The following ZNF665 variants were observed in gnomAD, a reference collection of about 807,000 sequenced individuals.
ZNF665 encodes zinc finger protein 665.
In ZNF665, 6 loss-of-function variants were observed where a neutral mutation model predicts 7.9. The ratio of observed to expected loss-of-function variants is 0.76; its 90% CI spans 0.42 to 1.50. The LOEUF is 1.50. ZNF665 is among the 40% of genes most tolerant of loss of function. The pLI is 0.01. For missense variants in ZNF665, 819 were observed against 806.7 expected (o/e 1.02, Z -0.18); for synonymous variants, 242 against 274.5 (o/e 0.88, Z 1.17).
In ZNF665 at chr19:53,172,673, A is replaced by G. The variant is rs573682643; in HGVS notation, c.142+2772T>C. Reference sequence around the variant, plus strand: ...AACCCTGTCTCTACCAAAAACGCAAAAATTAGTCAGGCGTGGTGGTGCACG... The same window carrying G: ...AACCCTGTCTCTACCAAAAACGCAAGAATTAGTCAGGCGTGGTGGTGCACG... On this transcript the variant is annotated intron_variant, in intron 3 of 3. Transcript: ENST00000396424. Among the ~76,000 whole-genome samples, 4 of 152,054 alleles carry G rather than the reference A, an allele frequency of 2.6e-5. No homozygotes were observed. The East Asian group carries it at 7.7e-4, about 29-fold the overall frequency.
chr19:53,182,862 T>C (rs767098308), intron 2 of ZNF665, 22 bp downstream of exon 2: 11 of 1,611,750 alleles, frequency 6.8e-6, no homozygotes, highest in East Asian at 6.7e-5. Flanking sequence ...GACAGAACAA[T>C]CCACCGAGAA....
intron 3 of ZNF665, among the ~76,000 whole-genome samples, chr19:53,174,209 AG>A (rs769267692): frequency 6.6e-6 from 1 of 152,200 alleles, no homozygotes; most frequent in African/African-American, 2.4e-5. Flanking sequence ...AATCAAGCAC[AG>A]AAGGAGAGAC....
chr19:53,173,206 A>G (rs545098938), intron 3 of ZNF665, among the ~76,000 whole-genome samples: 3 of 152,168 alleles, frequency 2.0e-5, no homozygotes, highest in Admixed American at 2.0e-4. Context: ...TTTTGAATCA[A>G]TTTTGGTATC....
At chr19:53,170,799 T>C (rs2090651511) in intron 3 of ZNF665, among the ~76,000 whole-genome samples, 1 of 152,180 alleles carries the variant, frequency 6.6e-6, no homozygotes, top group Admixed American at 6.5e-5. Context: ...TTGGACAATG[T>C]AGGGGTTAAG....
chr19:53,189,428 A>G (rs1255264302), intron 1 of ZNF665, among the ~76,000 whole-genome samples: 1 of 148,518 alleles, frequency 6.7e-6, no homozygotes, highest in African/African-American at 2.5e-5. Context: ...AGTGTGAGTC[A>G]CCTCCAATGA....
intron 1 of ZNF665, among the ~76,000 whole-genome samples, chr19:53,184,249 CA>C (rs1450993247): frequency 1.3e-5 from 2 of 149,868 alleles, no homozygotes; most frequent in Admixed American, 6.6e-5. Flanking sequence ...GACCCTGTCT[CA>C]AAAAAAAAGA....
In ZNF665 at chr19:53,165,842, A is replaced by G; in HGVS notation, c.648T>C (p.Thr216=). Residue 216 remains threonine, a synonymous_variant, in exon 4 of 4, where the codon ACT becomes ACC. Transcript: ENST00000396424. ...YQCNKCGKAF[T]VRSNLTIHQV... ...GATGGATTGTTAGGTTTGAACGAAC[A>G]GTAAAGGCTTTGCCACACTTATTAC... The G allele has an allele frequency of 6.2e-7, 1 of 1,614,074 alleles. No homozygotes were observed. The highest frequency in any genetic ancestry group is 8.5e-7 in the Non-Finnish European group (1 of 1,179,978).
In ZNF665 at chr19:53,175,525, T is replaced by C. The variant is rs2090691062; in HGVS notation, c.62A>G (p.Glu21Gly). The change falls in exon 3 of 4, where the codon GAG (glutamate) becomes GGG (glycine). Residue 21 changes from glutamate to glycine, a missense_variant. Transcript: ENST00000396424. ...CTGAGCAGGGTCCAGGCATGTCCAC[T>C]CCTCCTGAGAGAATTCTATGGCCAC... is the stretch of plus-strand genomic sequence containing the variant. ...KDVAIEFSQEEWTCLDPAQKT... is the reference protein window; with the variant it reads ...KDVAIEFSQEGWTCLDPAQKT... 2 of 1,611,260 alleles carry C rather than the reference T, an allele frequency of 1.2e-6. No homozygotes were observed. The highest frequency in any genetic ancestry group is 1.7e-6 in the Non-Finnish European group (2 of 1,179,198).
rs2090573687 is a variant in ZNF665, at chr19:53,162,663, GC to G, written c.*1789del. 1 of 151,988 alleles carries G rather than the reference GC, an allele frequency of 6.6e-6. No homozygotes were observed. The highest frequency in any genetic ancestry group is 6.6e-5 in the Admixed American group (1 of 15,266). The allele number at this position is 151,988 out of a possible 1,614,324, so 9.4% of individuals were successfully genotyped here. A position where few individuals can be genotyped will look rare whatever the true frequency, so the allele number is the denominator to read the frequency against. On this transcript the variant is annotated 3_prime_UTR_variant, in exon 4 of 4. Coordinates refer to ENST00000396424, the MANE Select transcript of ZNF665 (RefSeq NM_024733.5). Reference sequence around the variant, plus strand: ...AGGTCAGGAGTTCGAGACCAGCCTGGCAAACATAGTGAAACTCCATCTCTAC... The same window carrying G: ...AGGTCAGGAGTTCGAGACCAGCCTGGAAACATAGTGAAACTCCATCTCTAC...
At position 53,163,691 on chromosome 19, in the gene ZNF665, C is replaced by G. The variant is rs2090580603; in HGVS notation, c.*762G>C. On this transcript the variant is annotated 3_prime_UTR_variant, in exon 4 of 4. Coordinates refer to ENST00000396424, the MANE Select transcript of ZNF665 (RefSeq NM_024733.5). ...ATACTTCAACAAAACATTTTATAAG[C>G]TGAAAGTAATTGGCCATTTCCAAAC... is the stretch of plus-strand genomic sequence containing the variant. 1 of 152,154 alleles carries G rather than the reference C, an allele frequency of 6.6e-6. No homozygotes were observed. The highest frequency in any genetic ancestry group is 1.5e-5 in the Non-Finnish European group (1 of 68,036). 9.4% of individuals were successfully genotyped at this position (152,154 alleles called of 1,614,324 possible). A position where few individuals can be genotyped will look rare whatever the true frequency, so the allele number is the denominator to read the frequency against.
At chr19:53,185,268 G>A (rs1043232416) in intron 1 of ZNF665, among the ~76,000 whole-genome samples, 18 of 151,850 alleles carry the variant, frequency 1.2e-4, no homozygotes, top group African/African-American at 4.4e-4. Context: ...ACCACGGTCC[G>A]CTTGGCAACG....
At position 53,165,027 on chromosome 19, in the gene ZNF665, C is replaced by T. The variant is rs1186246565; in HGVS notation, c.1463G>A (p.Cys488Tyr). The T allele has an allele frequency of 5.0e-6, 8 of 1,614,028 alleles. No homozygotes were observed. Among genetic ancestry groups the T allele is most frequent in the Non-Finnish European group, 6.8e-6 (8 of 1,180,036 alleles). The change falls in exon 4 of 4, where the codon TGT becomes TAT. Residue 488 changes from cysteine (C) to tyrosine (Y), a missense_variant. Physicochemically the swap from Cys to Tyr is radical, Grantham distance 194. Coordinates refer to ENST00000396424, the MANE Select transcript of ZNF665 (RefSeq NM_024733.5). ...ACTGAAGGCTTTACCACATTCATCA[C>T]ACTTGTAAGGTTTCTCTCCAGAATG... ...GIHSGEKPYKCDECGKAFSQT... is the reference protein window; with the variant it reads ...GIHSGEKPYKYDECGKAFSQT...
At position 53,166,322 on chromosome 19, in the gene ZNF665, C is replaced by T. The variant is rs779863071; in HGVS notation, c.168G>A (p.Thr56=). Residue 56 remains threonine (T), a synonymous_variant, in exon 4 of 4, where the codon ACG becomes ACA. Coordinates refer to ENST00000396424, the MANE Select transcript of ZNF665 (RefSeq NM_024733.5). ...SLDISCKCVN[T]DLPPKGKNNM... The stretch of plus-strand genomic sequence containing the variant: ...TGTTCTTCCCCTTTGGTGGCAAATC[C>T]GTGTTTACACATTTACAAGAGATAT... 86 of 1,588,142 alleles carry T rather than the reference C, an allele frequency of 5.4e-5. No homozygotes were observed. The highest frequency in any genetic ancestry group is 6.5e-5 in the Non-Finnish European group (76 of 1,168,850).
chr19:53,174,956 A>G (rs147876775), intron 3 of ZNF665, among the ~76,000 whole-genome samples: 2,373 of 149,820 alleles, frequency 0.016, 74 homozygotes, highest in African/African-American at 0.057. Flanking sequence ...AAAAAAAAAA[A>G]AAAAAGAAAG....
At position 53,163,415 on chromosome 19, in the gene ZNF665, T is replaced by G. The variant is rs1162370852; in HGVS notation, c.*1038A>C. On this transcript the variant is annotated 3_prime_UTR_variant, in exon 4 of 4. Transcript: ENST00000396424. ...AGTGCAATAAGGATGATGAGTGACA[T>G]CATAGTTCATCATCCTCTGCCCTTT... The G allele has an allele frequency of 6.6e-6, 1 of 152,194 alleles. No homozygotes were observed. The highest frequency in any genetic ancestry group is 2.4e-5 in the African/African-American group (1 of 41,450). 9.4% of individuals were successfully genotyped at this position (152,194 alleles called of 1,614,324 possible). A position where few individuals can be genotyped will look rare whatever the true frequency, so the allele number is the denominator to read the frequency against.
intron 1 of ZNF665, among the ~76,000 whole-genome samples, chr19:53,184,471 C>T (rs917063085): frequency 2.0e-5 from 3 of 152,032 alleles, no homozygotes; most frequent in African/African-American, 4.8e-5. Flanking sequence ...TTTGGACATA[C>T]GAAGGTGGAG....
Position 53,176,381 on chromosome 19 carries a change from T to C in ZNF665, c.16-810A>G, listed in dbSNP as rs144341700. On this transcript the variant is annotated intron_variant, in intron 2 of 3. Coordinates refer to ENST00000396424, the MANE Select transcript of ZNF665 (RefSeq NM_024733.5). The stretch of plus-strand genomic sequence containing the variant: ...GACAGATGATAACATGGAGGCTCCT[T>C]GAGTGGTGCACCCACAGAGGGCATG... 2.3e-4 allele frequency among the ~76,000 whole-genome samples: 35 copies of C among 152,250 alleles called. 1 individual carries two copies. In the East Asian group the frequency reaches 5.0e-3, roughly 22 times the overall value.
chr19:53,171,524 A>ATATATATTTTTT lies in ZNF665; in HGVS notation c.142+3920_142+3921insAAAAAATATATA, dbSNP rs372855271. On this transcript the variant is annotated intron_variant, in intron 3 of 3. Transcript: ENST00000396424. ...TGTGTGTATATATATATATATATAT[A>ATATATATTTTTT]TTTTTTTTTTTTTTTTCTTTTTTTA... is the stretch of plus-strand genomic sequence containing the variant. 9.5e-4 allele frequency among the ~76,000 whole-genome samples: 66 copies of ATATATATTTTTT among 69,320 alleles called. 1 individual carries two copies. The East Asian group carries it at 0.014, about 14-fold the overall frequency. 45.5% of individuals were successfully genotyped at this position (69,320 alleles called of 152,430 possible). A position where few individuals can be genotyped will look rare whatever the true frequency, so the allele number is the denominator to read the frequency against.
intron 3 of ZNF665, among the ~76,000 whole-genome samples, chr19:53,168,055 C>CAAAAAAAAA (rs57521729): frequency 7.5e-5 from 5 of 66,400 alleles, no homozygotes; most frequent in African/African-American, 1.1e-4. Context: ...GACTCCCTCT[C>CAAAAAAAAA]AAAAAAAAAA....
Sources: gnomAD v4.1 joint callset for allele counts (sites outside exome capture counted in the v4.1 genomes callset) on GRCh38, gnomAD v4.1.1 for gene constraint, MANE v1.5 for transcripts, NCBI Gene and HGNC (gene_info 2026-07-23, HGNC 2026-07-21) for gene names.